Variants in RBFOX2 observed in about 807,000 individuals in gnomAD.
RBFOX2 encodes RNA binding fox-1 homolog 2, also known as RNA binding protein fox-1 homolog 2.
Under a neutral mutation model 49.1 loss-of-function variants are expected in RBFOX2, and 10 were observed. That is an observed-to-expected ratio of 0.20 (90% CI 0.13 to 0.35). The LOEUF is 0.35. Among genes scored for constraint, RBFOX2 ranks in the 10% least tolerant of loss-of-function variants. The probability of loss-of-function intolerance (pLI) is 1.00; values close to 1 mark genes in which losing one functional copy is unlikely to be tolerated. For synonymous variants in RBFOX2, 183 were observed against 187.4 expected (o/e 0.98, Z 0.19); for missense variants, 323 against 486.9 (o/e 0.66, Z 3.17).
intron 1 of RBFOX2, among the ~76,000 whole-genome samples, chr22:35,854,385 G>C (rs2042283855): frequency 6.6e-6 from 1 of 151,976 alleles, no homozygotes; most frequent in African/African-American, 2.4e-5. Context: ...TGGAGTTTGA[G>C]ACCAGCCTGG....
chr22:35,968,810 A>G (rs907460033), intron 1 of RBFOX2, among the ~76,000 whole-genome samples: 1 of 152,228 alleles, frequency 6.6e-6, no homozygotes, highest in African/African-American at 2.4e-5. Context: ...AAAAGACATT[A>G]TAACAAGTAA....
At chr22:35,869,293 G>A in intron 1 of RBFOX2, among the ~76,000 whole-genome samples, 1 of 151,678 alleles carries the variant, frequency 6.6e-6, no homozygotes, top group East Asian at 1.9e-4. Flanking sequence ...TAGTAGCTGG[G>A]ATTACAGGCA....
chr22:35,944,021 C>T (rs2053992769), intron 1 of RBFOX2, among the ~76,000 whole-genome samples: 1 of 152,194 alleles, frequency 6.6e-6, no homozygotes, highest in South Asian at 2.1e-4. Flanking sequence ...TTAGATGCTC[C>T]TATATGTACC....
intron 1 of RBFOX2, among the ~76,000 whole-genome samples, chr22:35,960,582 G>A (rs532110665): frequency 8.5e-5 from 13 of 152,130 alleles, no homozygotes; most frequent in Non-Finnish European, 1.3e-4. Flanking sequence ...TTCAAAACAC[G>A]GCCACTGCTA....
intron 1 of RBFOX2, among the ~76,000 whole-genome samples, chr22:35,845,739 C>G (rs911253204): frequency 2.6e-5 from 4 of 152,130 alleles, no homozygotes; most frequent in African/African-American, 9.7e-5. Context: ...GGGATGTAAA[C>G]AAATTTATCA....
intron 1 of RBFOX2, chr22:35,997,809 G>A (rs1467301954): frequency 1.3e-5 from 2 of 152,230 alleles, no homozygotes; most frequent in Non-Finnish European, 2.9e-5. Flanking sequence ...GGGCAACACA[G>A]TGCCTAGGCT....
At chr22:35,781,391 C>T (rs1437177482) in intron 3 of RBFOX2, among the ~76,000 whole-genome samples, 1 of 152,192 alleles carries the variant, frequency 6.6e-6, no homozygotes, top group African/African-American at 2.4e-5. Context: ...CATATCGCCA[C>T]CTTATGTGTG....
rs1289842750 is a variant in RBFOX2, at chr22:35,977,722, C to CTATAGATATA, written c.187-38826_187-38825insTATATCTATA. Among the ~76,000 whole-genome samples, 314 of 80,866 alleles carry CTATAGATATA rather than the reference C, an allele frequency of 3.9e-3. 10 individuals carry two copies. The highest frequency in any genetic ancestry group is 0.013 in the African/African-American group (278 of 21,082). 53.1% of individuals were successfully genotyped at this position (80,866 alleles called of 152,430 possible). ...TGCATGTAAATTATACCTGAATGAA[C>CTATAGATATA]TATATATATATATATATATATATAT... On this transcript the variant is annotated intron_variant, in intron 1 of 13. Transcript: ENST00000438146.
chr22:35,953,344 T>C (rs1417591797), intron 1 of RBFOX2, among the ~76,000 whole-genome samples: 4 of 151,550 alleles, frequency 2.6e-5, no homozygotes, highest in Non-Finnish European at 5.9e-5. Flanking sequence ...GAAGTACTGA[T>C]ATATGCTACA....
At chr22:35,898,574 C>T (rs936046787) in intron 1 of RBFOX2, among the ~76,000 whole-genome samples, 1 of 151,788 alleles carries the variant, frequency 6.6e-6, no homozygotes, top group South Asian at 2.1e-4. Context: ...CACAGGCACA[C>T]GCCACCACGC....
chr22:36,001,174 C>T (rs2058399299), intron 1 of RBFOX2, among the ~76,000 whole-genome samples: 1 of 137,860 alleles, frequency 7.3e-6, no homozygotes, highest in African/African-American at 2.8e-5. Context: ...TTTTCTCTGG[C>T]CCCAAAACAT....
chr22:35,809,070 A>AG (rs1951309002), intron 2 of RBFOX2, among the ~76,000 whole-genome samples: 1 of 151,130 alleles, frequency 6.6e-6, no homozygotes, highest in African/African-American at 2.4e-5. Flanking sequence ...AAAAAAAAAA[A>AG]CCACCTTAGT....
intron 1 of RBFOX2, among the ~76,000 whole-genome samples, chr22:36,015,101 AG>A (rs983179390): frequency 2.5e-4 from 38 of 152,344 alleles, no homozygotes; most frequent in African/African-American, 9.1e-4. Context: ...CAGAAAAATT[AG>A]TTTCTAAACC....
chr22:35,863,307 G>A (rs1036894130), intron 1 of RBFOX2, among the ~76,000 whole-genome samples: 1 of 151,816 alleles, frequency 6.6e-6, no homozygotes, highest in Non-Finnish European at 1.5e-5. Context: ...GACCAAGAAG[G>A]GAATATCAAT....
At chr22:35,840,342 T>A in exon 1 of RBFOX2, 1 of 1,565,310 alleles carries the variant, frequency 6.4e-7, no homozygotes, top group Non-Finnish European at 8.6e-7. Context: ...TGATCTCTCT[T>A]TATACCGTTT....
intron 1 of RBFOX2, among the ~76,000 whole-genome samples, chr22:35,855,657 C>T (rs979588832): frequency 1.3e-5 from 2 of 151,802 alleles, no homozygotes; most frequent in Admixed American, 6.6e-5. Context: ...GATCCACCTG[C>T]CTCAGCCTCC....
chr22:36,028,412 G>T, exon 1 of RBFOX2: 5 of 1,230,394 alleles, frequency 4.1e-6, no homozygotes, highest in Non-Finnish European at 5.1e-6. Flanking sequence ...ATGCGGCTGG[G>T]CGCCCTCCGC....
chr22:35,880,193 G>A (rs1243989251), intron 1 of RBFOX2, among the ~76,000 whole-genome samples: 1 of 152,078 alleles, frequency 6.6e-6, no homozygotes, highest in African/African-American at 2.4e-5. Flanking sequence ...ATTGAATTTA[G>A]GTTATTTTTG....
chr22:35,899,174 TAACA>T (rs1388484715), intron 1 of RBFOX2, among the ~76,000 whole-genome samples: 86 of 145,214 alleles, frequency 5.9e-4, no homozygotes, highest in African/African-American at 1.5e-3. Context: ...TAACATAACA[TAACA>T]AACATAAAAA....
Sources: allele counts gnomAD v4.1 joint callset (sites outside exome capture counted in the v4.1 genomes callset), GRCh38; gene constraint gnomAD v4.1.1; transcripts MANE v1.5; gene names NCBI Gene and HGNC (gene_info 2026-07-23, HGNC 2026-07-21).